Variants in GSK3B observed in about 807,000 individuals in gnomAD.
The protein encoded by GSK3B is glycogen synthase kinase 3 beta.
GSK3B carries 15 observed loss-of-function variants against 56.4 expected under a neutral mutation model. The ratio of observed to expected loss-of-function variants is 0.27; its 90% CI spans 0.18 to 0.41. GSK3B has a LOEUF of 0.41. GSK3B is among the 10% of genes least tolerant of loss of function. The probability of loss-of-function intolerance (pLI) is 1.00; values close to 1 mark genes in which losing one functional copy is unlikely to be tolerated. For synonymous variants in GSK3B, 181 were observed against 188.9 expected (o/e 0.96, Z 0.34); for missense variants, 300 against 513.4 (o/e 0.58, Z 4.02).
intron 1 of GSK3B, among the ~76,000 whole-genome samples, chr3:120,013,374 G>C (rs1297216857): frequency 1.3e-5 from 2 of 152,184 alleles, no homozygotes; most frequent in South Asian, 2.1e-4. Context: ...TTAAAATCCA[G>C]TGCTGAGAAA....
intron 3 of GSK3B, among the ~76,000 whole-genome samples, chr3:119,946,667 C>T (rs1273887020): frequency 1.3e-5 from 2 of 152,190 alleles, no homozygotes; most frequent in Non-Finnish European, 2.9e-5. Flanking sequence ...ATTATTGTGT[C>T]TTCTGAAGAG....
At chr3:120,025,938 G>A (rs79321378) in intron 1 of GSK3B, among the ~76,000 whole-genome samples, 3,939 of 152,210 alleles carry the variant, frequency 0.026, 174 homozygotes, top group African/African-American at 0.089. Flanking sequence ...GAAAGGACTG[G>A]ATAAATATGA....
chr3:120,002,531 G>A (rs2107483626), intron 1 of GSK3B, among the ~76,000 whole-genome samples: 1 of 152,072 alleles, frequency 6.6e-6, no homozygotes, highest in East Asian at 1.9e-4. Context: ...CAGAGACGCG[G>A]TTTCACCATG....
chr3:119,912,948 G>A, intron 5 of GSK3B, 138 bp from the exon 6 acceptor site: 1 of 451,248 alleles, frequency 2.2e-6, no homozygotes, highest in South Asian at 6.1e-5. Context: ...AAAAGAAAAT[G>A]TAAACTGTAA....
chr3:120,051,426 T>C (rs2058148668), intron 1 of GSK3B, among the ~76,000 whole-genome samples: 1 of 152,184 alleles, frequency 6.6e-6, no homozygotes, highest in African/African-American at 2.4e-5. Flanking sequence ...CTGGATTTAC[T>C]TTATCATGAA....
At chr3:119,964,422 A>G (rs977664353) in intron 2 of GSK3B, among the ~76,000 whole-genome samples, 3 of 152,254 alleles carry the variant, frequency 2.0e-5, no homozygotes, top group African/African-American at 7.2e-5. Flanking sequence ...AATAAATATT[A>G]CAAGTTTTTT....
chr3:119,827,479 A>C (rs972135293), intron 10 of GSK3B, among the ~76,000 whole-genome samples: 5 of 151,910 alleles, frequency 3.3e-5, no homozygotes, highest in African/African-American at 1.2e-4. Context: ...ATATGTAGCC[A>C]TAAGAGAGAA....
intron 1 of GSK3B, among the ~76,000 whole-genome samples, chr3:120,054,435 T>C (rs2058176733): frequency 6.6e-6 from 1 of 152,174 alleles, no homozygotes; most frequent in Non-Finnish European, 1.5e-5. Flanking sequence ...ATCAATGCCT[T>C]CTTATTCCTA....
chr3:119,970,211 C>G (rs1559858229), intron 2 of GSK3B, among the ~76,000 whole-genome samples: 1 of 152,130 alleles, frequency 6.6e-6, no homozygotes, highest in Non-Finnish European at 1.5e-5. Flanking sequence ...CTGGAATTCA[C>G]TGGGAGTCTT....
At chr3:119,891,281 G>A (rs2056498696) in intron 7 of GSK3B, among the ~76,000 whole-genome samples, 1 of 151,812 alleles carries the variant, frequency 6.6e-6, no homozygotes, top group Admixed American at 6.6e-5. Flanking sequence ...GATTATAGAT[G>A]GATGATATAA....
chr3:119,879,384 T>C (rs763973978), intron 7 of GSK3B, among the ~76,000 whole-genome samples: 2 of 152,110 alleles, frequency 1.3e-5, no homozygotes, highest in Non-Finnish European at 2.9e-5. Flanking sequence ...GGTTTCACAG[T>C]GGTAGCCAGG....
intron 7 of GSK3B, among the ~76,000 whole-genome samples, chr3:119,896,141 A>T (rs1413671178): frequency 1.3e-5 from 2 of 151,868 alleles, no homozygotes; most frequent in African/African-American, 4.8e-5. Flanking sequence ...AAAAAAAAAA[A>T]AAAAGTGGCT....
intron 2 of GSK3B, among the ~76,000 whole-genome samples, chr3:119,952,057 C>A (rs985566219): frequency 6.6e-6 from 1 of 151,634 alleles, no homozygotes; most frequent in South Asian, 2.1e-4. Flanking sequence ...TCAGATACTT[C>A]TGGGATAACA....
chr3:119,894,965 A>T (rs528618395), intron 7 of GSK3B, among the ~76,000 whole-genome samples: 3 of 152,280 alleles, frequency 2.0e-5, no homozygotes, highest in Admixed American at 2.0e-4. Context: ...AAACAGTGAT[A>T]TTATGGGTAT....
rs2055431844 is a variant in GSK3B at position 119,822,716 on chromosome 3, C to A, written c.*4072G>T. 4.4e-6 allele frequency: 1 copy of A among 228,064 alleles called. No individual in the cohort carries two copies. The highest frequency in any genetic ancestry group is 5.7e-5 in the Admixed American group (1 of 17,574). The allele number at this position is 228,064 out of a possible 1,614,324, so 14.1% of individuals were successfully genotyped here. ...AAGACAGATTTTATTGTAAAGCATA[C>A]CTACTTTTCCACACAGGGGAGAAAA... On this transcript the variant is annotated 3_prime_UTR_variant, in exon 11 of 11. Transcript: ENST00000264235.
intron 9 of GSK3B, among the ~76,000 whole-genome samples, chr3:119,852,849 A>G (rs2055958199): frequency 6.6e-6 from 1 of 152,136 alleles, no homozygotes; most frequent in Admixed American, 6.5e-5. Flanking sequence ...GTAGATTGCA[A>G]AAATTTTCTC....
chr3:119,865,962 C>A (rs895308421), intron 8 of GSK3B, among the ~76,000 whole-genome samples: 2 of 152,044 alleles, frequency 1.3e-5, no homozygotes, highest in African/African-American at 4.8e-5. Context: ...ATTTAACCTG[C>A]CTTTACAAAA....
intron 1 of GSK3B, among the ~76,000 whole-genome samples, chr3:120,006,790 T>A (rs2057732543): frequency 6.6e-6 from 1 of 152,108 alleles, no homozygotes; most frequent in Non-Finnish European, 1.5e-5. Context: ...CTTAGAGCAC[T>A]AAATGCCCAC....
At chr3:119,883,186 C>T (rs564169620) in intron 7 of GSK3B, among the ~76,000 whole-genome samples, 1 of 152,032 alleles carries the variant, frequency 6.6e-6, no homozygotes, top group Non-Finnish European at 1.5e-5. Context: ...TATTTTAAAT[C>T]TTAACACCAG....
Sources: allele counts gnomAD v4.1 joint callset (sites outside exome capture counted in the v4.1 genomes callset), GRCh38; gene constraint gnomAD v4.1.1; transcripts MANE v1.5; gene names NCBI Gene and HGNC (gene_info 2026-07-23, HGNC 2026-07-21).